OTOGL: variants seen among roughly 807,000 people sequenced by gnomAD.
The protein encoded by OTOGL is otogelin-like protein.
In OTOGL, 285 loss-of-function variants were observed where a neutral mutation model predicts 318.5. The observed-to-expected ratio is 0.89, with a 90% CI of 0.81 to 0.99. The LOEUF is 0.99. Ranked by LOEUF, OTOGL falls within the 50% of genes least tolerant of loss-of-function variation. The pLI, the probability that OTOGL is intolerant of heterozygous loss-of-function variation, is 0.00. For synonymous variants in OTOGL, 987 were observed against 936.5 expected (o/e 1.05, Z -0.99); for missense variants, 2,899 against 2,845.6 (o/e 1.02, Z -0.43).
At chr12:80,170,777 G>A (rs559848698) in intron 1 of OTOGL, among the ~76,000 whole-genome samples, 1 of 152,080 alleles carries the variant, frequency 6.6e-6, no homozygotes, top group South Asian at 2.1e-4. Flanking sequence ...TTTTTATTTT[G>A]TATACTCTGT....
In OTOGL at chr12:80,370,562, AT is replaced by A; in HGVS notation, c.6616-3del. The A allele has an allele frequency of 1.3e-6, 2 of 1,510,018 alleles. No homozygotes were observed. The highest frequency in any genetic ancestry group is 1.8e-6 in the Non-Finnish European group (2 of 1,130,886). 93.5% of individuals were successfully genotyped at this position (1,510,018 alleles called of 1,614,324 possible). ...ATGCTAAATAGTAACTTTCTTTTTG[AT>A]TTTTAGGTAGGGAGTACCTGGCACT... On this transcript the variant is annotated splice_polypyrimidine_tract_variant and splice_region_variant and intron_variant, in intron 55 of 58. Transcript: ENST00000547103.
At chr12:80,303,986 C>T (rs1885944528) in intron 28 of OTOGL, among the ~76,000 whole-genome samples, 1 of 152,178 alleles carries the variant, frequency 6.6e-6, no homozygotes, top group Admixed American at 6.5e-5. Context: ...ATTGTCAACC[C>T]CTACCTTTAC....
chr12:80,155,826 T>C (rs1284364748), intron 1 of OTOGL, among the ~76,000 whole-genome samples: 1 of 152,178 alleles, frequency 6.6e-6, no homozygotes, highest in Non-Finnish European at 1.5e-5. Flanking sequence ...ATGAGTTCAA[T>C]TGTGTTGATT....
rs1881858468 is a variant in OTOGL at position 80,254,552 on chromosome 12, A to C, written c.1423A>C (p.Thr475Pro). 6.2e-7 allele frequency: 1 copy of C among 1,607,370 alleles called. No homozygotes were observed. Among genetic ancestry groups the C allele is most frequent in the Admixed American group, 1.7e-5 (1 of 59,764 alleles). ...GTGTGTTGGTGGAGTTTGGAACTGC[A>C]CTGAGCAAGACTGTCCAGGTAATTT... is the stretch of plus-strand genomic sequence containing the variant. ...CVCVGGVWNC[T>P]EQDCPVQCSV... The change falls in exon 15 of 59, where the codon ACT becomes CCT. Residue 475 changes from threonine (T) to proline (P), a missense_variant. This residue lies in a region of OTOGL where 2,607 missense variants were observed against 2,524.9 expected (regional missense o/e 1.03). Transcript: ENST00000547103.
At chr12:80,316,695 C>T (rs994049872) in intron 32 of OTOGL, among the ~76,000 whole-genome samples, 1 of 151,934 alleles carries the variant, frequency 6.6e-6, no homozygotes, top group African/African-American at 2.4e-5. Flanking sequence ...TGCCAAGGGG[C>T]GTCAGAATTT....
At chr12:80,335,683 A>T (rs1888346170) in intron 38 of OTOGL, among the ~76,000 whole-genome samples, 1 of 152,154 alleles carries the variant, frequency 6.6e-6, no homozygotes, top group African/African-American at 2.4e-5. Context: ...TTGCAAAAAA[A>T]CTAGGGAATT....
chr12:80,324,528 A>G (rs1887555254), intron 35 of OTOGL, among the ~76,000 whole-genome samples: 1 of 152,190 alleles, frequency 6.6e-6, no homozygotes, highest in East Asian at 1.9e-4. Context: ...TTACTGTAAG[A>G]TAGGAGACCT....
chr12:80,304,839 C>G (rs1448891056), intron 28 of OTOGL, among the ~76,000 whole-genome samples: 1 of 152,128 alleles, frequency 6.6e-6, no homozygotes, highest in Non-Finnish European at 1.5e-5. Flanking sequence ...TGAATTTAGA[C>G]ATGCTGAATG....
chr12:80,336,557 T>C lies in OTOGL; in HGVS notation c.4743+2T>C. ...ATCGAAAAATGTTCCATGAATCAGG[T>C]GGGTCATAATTTATTTTTGCAGTCA... On this transcript the variant is annotated splice_donor_variant, in intron 40 of 58. Transcript: ENST00000547103. LOFTEE classifies it high-confidence loss of function. 6.2e-7 allele frequency: 1 copy of C among 1,603,344 alleles called. No homozygotes were observed. The highest frequency in any genetic ancestry group is 8.5e-7 in the Non-Finnish European group (1 of 1,174,006).
intron 19 of OTOGL, among the ~76,000 whole-genome samples, chr12:80,264,673 C>T (rs1882803399): frequency 6.6e-6 from 1 of 152,116 alleles, no homozygotes; most frequent in Non-Finnish European, 1.5e-5. Flanking sequence ...AATAAGCCTC[C>T]CAATACTCTC....
intron 52 of OTOGL, among the ~76,000 whole-genome samples, chr12:80,363,357 A>G (rs953317548): frequency 3.3e-5 from 5 of 152,146 alleles, no homozygotes; most frequent in Admixed American, 6.6e-5. Context: ...AGATGTTTCT[A>G]TTTGTGCATA....
At chr12:80,171,595 T>C (rs1874209566) in intron 1 of OTOGL, among the ~76,000 whole-genome samples, 1 of 152,222 alleles carries the variant, frequency 6.6e-6, no homozygotes, top group Non-Finnish European at 1.5e-5. Context: ...GTCTGAAAAA[T>C]CAGGTTCTGT....
chr12:80,255,202 A>G lies in OTOGL; in HGVS notation c.1587+17A>G, dbSNP rs940528944. 2 of 1,428,106 alleles carry G rather than the reference A, an allele frequency of 1.4e-6. No homozygotes were observed. Among genetic ancestry groups the G allele is most frequent in the Admixed American group, 3.1e-5 (1 of 32,392 alleles). The allele number at this position is 1,428,106 out of a possible 1,614,324, so 88.5% of individuals were successfully genotyped here. A position where few individuals can be genotyped will look rare whatever the true frequency, so the allele number is the denominator to read the frequency against. On this transcript the variant is annotated intron_variant, in intron 16 of 58. Transcript: ENST00000547103. ...TGTGAGCAGGTAAGAACATTTCAAAATGACCAGAGGAATATGGATTCACTG... is the reference window on the plus strand; with the variant it reads ...TGTGAGCAGGTAAGAACATTTCAAAGTGACCAGAGGAATATGGATTCACTG...
intron 1 of OTOGL, among the ~76,000 whole-genome samples, chr12:80,152,818 G>A (rs1437763121): frequency 6.6e-6 from 1 of 152,208 alleles, no homozygotes. Flanking sequence ...CCTCAGCTGG[G>A]ATTACCACCC....
chr12:80,278,196 G>A lies in OTOGL; in HGVS notation c.2710G>A (p.Val904Ile), dbSNP rs578208305. Reference sequence around the variant, plus strand: ...GGCAGAGCACAGAGGAAAGTGTTATGTTCCTGAAAGCTGCCCATGTATTTG... The same window carrying A: ...GGCAGAGCACAGAGGAAAGTGTTATATTCCTGAAAGCTGCCCATGTATTTG... ...GMAEHRGKCYVPESCPCIWKD... is the reference protein window; with the variant it reads ...GMAEHRGKCYIPESCPCIWKD... The change falls in exon 25 of 59, where the codon GTT (valine) becomes ATT (isoleucine). Residue 904 changes from valine to isoleucine, a missense_variant. Physicochemically the swap from Val to Ile is conservative, Grantham distance 29. This residue lies in a region of OTOGL where 2,607 missense variants were observed against 2,524.9 expected (regional missense o/e 1.03). Transcript: ENST00000547103. 3.2e-6 allele frequency: 5 copies of A among 1,546,910 alleles called. No individual in the cohort carries two copies. The highest frequency in any genetic ancestry group is 2.0e-5 in the Admixed American group (1 of 50,844).
intron 57 of OTOGL, among the ~76,000 whole-genome samples, chr12:80,375,998 T>G (rs934510916): frequency 6.6e-6 from 1 of 151,962 alleles, no homozygotes; most frequent in Admixed American, 6.6e-5. Context: ...AAGCCAAGTA[T>G]GGAGGGTGCA....
intron 24 of OTOGL, among the ~76,000 whole-genome samples, chr12:80,275,598 T>G (rs1883743116): frequency 6.6e-6 from 1 of 151,930 alleles, no homozygotes; most frequent in Non-Finnish European, 1.5e-5. Flanking sequence ...TGACTGCAAT[T>G]TTGAAAGAAA....
chr12:80,124,869 G>C (rs1191115859), intron 1 of OTOGL, among the ~76,000 whole-genome samples: 2 of 152,180 alleles, frequency 1.3e-5, no homozygotes, highest in African/African-American at 4.8e-5. Flanking sequence ...GAATGCTTGT[G>C]ATTTTCGTAC....
At chr12:80,175,323 C>T (rs954516871) in intron 1 of OTOGL, among the ~76,000 whole-genome samples, 5 of 152,088 alleles carry the variant, frequency 3.3e-5, no homozygotes, top group Non-Finnish European at 7.4e-5. Flanking sequence ...GATGAACACA[C>T]ATTGAAAATA....
Sources: allele counts gnomAD v4.1 joint callset (sites outside exome capture counted in the v4.1 genomes callset), GRCh38; gene constraint gnomAD v4.1.1; regional missense constraint gnomAD v4.1.1; transcripts MANE v1.5; gene names NCBI Gene and HGNC (gene_info 2026-07-23, HGNC 2026-07-21).